CSMD1: variants seen among roughly 807,000 people sequenced by gnomAD.
CSMD1 encodes CUB and Sushi multiple domains 1.
A neutral mutation model predicts 417.5 loss-of-function variants in CSMD1; 213 were observed. The observed-to-expected ratio is 0.51, with a 90% CI of 0.46 to 0.57. CSMD1 has a LOEUF of 0.57. Ranked by LOEUF, CSMD1 falls within the 20% of genes least tolerant of loss-of-function variation. The pLI, the probability that CSMD1 is intolerant of heterozygous loss-of-function variation, is 0.00. For missense variants in CSMD1, 6,923 were observed against 4,529.7 expected (o/e 1.53, Z -15.17); for synonymous variants, 2,862 against 1,736.8 (o/e 1.65, Z -16.11).
At chr8:3,611,250 TAA>T (rs35781024) in intron 8 of CSMD1, among the ~76,000 whole-genome samples, 234 of 149,874 alleles carry the variant, frequency 1.6e-3, no homozygotes, top group African/African-American at 4.9e-3. Flanking sequence ...AAAGTTAAAT[TAA>T]AAAAAAAAAG....
intron 3 of CSMD1, among the ~76,000 whole-genome samples, chr8:4,376,180 A>T (rs1032989917): frequency 6.6e-6 from 1 of 152,222 alleles, no homozygotes; most frequent in African/African-American, 2.4e-5. Context: ...CAACTGTATC[A>T]AAAGAATTTA....
intron 1 of CSMD1, among the ~76,000 whole-genome samples, chr8:4,885,968 A>T (rs1803710529): frequency 6.7e-6 from 1 of 148,272 alleles, no homozygotes; most frequent in African/African-American, 2.5e-5. Context: ...TAGGTCTCTG[A>T]TCCTTTTTAT....
rs188871104 is a variant in CSMD1, at chr8:4,400,997, A to G, written c.415+18956T>C. 3.3e-5 allele frequency among the ~76,000 whole-genome samples: 5 copies of G among 152,272 alleles called. No individual in the cohort carries two copies. In the East Asian group the frequency reaches 9.7e-4, roughly 29 times the overall value. On this transcript the variant is annotated intron_variant, in intron 3 of 69. Transcript: ENST00000635120. ...TAAGTATTTTAACAGGTGTTTCTTA[A>G]CATGAAACTGAGTCCATTTAAAATC...
chr8:4,193,829 C>G (rs142280151), intron 3 of CSMD1, among the ~76,000 whole-genome samples: 2 of 152,098 alleles, frequency 1.3e-5, no homozygotes, highest in Admixed American at 6.5e-5. Flanking sequence ...AAACAGAATA[C>G]AGTTCAGCCG....
chr8:3,717,489 T>C (rs1801907641), intron 6 of CSMD1, among the ~76,000 whole-genome samples: 1 of 152,210 alleles, frequency 6.6e-6, no homozygotes, highest in African/African-American at 2.4e-5. Context: ...GACGTTCCCC[T>C]TAGTTCAGCT....
At position 4,431,340 on chromosome 8, in the gene CSMD1, C is replaced by T. The variant is rs574493415; in HGVS notation, c.303-11275G>A. On this transcript the variant is annotated intron_variant, in intron 2 of 69. Coordinates refer to ENST00000635120, the MANE Select transcript of CSMD1 (RefSeq NM_033225.6). ...GTGATTTTCTTAAGGGTGAACCTAA[C>T]GTCTATAAAATTGAAACCAATAGTT... is the stretch of plus-strand genomic sequence containing the variant. 3.9e-5 allele frequency among the ~76,000 whole-genome samples: 6 copies of T among 152,148 alleles called. No individual in the cohort carries two copies. In the East Asian group the frequency reaches 1.2e-3, roughly 29 times the overall value.
intron 3 of CSMD1, among the ~76,000 whole-genome samples, chr8:4,406,721 A>G (rs186440658): frequency 4.6e-5 from 7 of 152,326 alleles, no homozygotes; most frequent in Admixed American, 4.6e-4. Flanking sequence ...GTGATGTCCA[A>G]ATGATACCAG....
chr8:4,398,952 T>C (rs1274568325), intron 3 of CSMD1, among the ~76,000 whole-genome samples: 1 of 152,310 alleles, frequency 6.6e-6, no homozygotes, highest in Middle Eastern at 3.4e-3. Context: ...CTTGAGAATG[T>C]TTTTTAAAAG....
At chr8:3,422,542 A>C (rs1336268830) in intron 12 of CSMD1, among the ~76,000 whole-genome samples, 1 of 152,210 alleles carries the variant, frequency 6.6e-6, no homozygotes, top group East Asian at 1.9e-4. Context: ...GTAAGACACA[A>C]ACAGAAGACA....
At chr8:4,256,745 A>C (rs1803484142) in intron 3 of CSMD1, among the ~76,000 whole-genome samples, 2 of 152,072 alleles carry the variant, frequency 1.3e-5, no homozygotes, top group African/African-American at 4.8e-5. Flanking sequence ...ACGGGCAGTG[A>C]GGTACAGGGC....
intron 7 of CSMD1, among the ~76,000 whole-genome samples, chr8:3,681,522 G>T (rs1799660378): frequency 6.6e-6 from 1 of 152,114 alleles, no homozygotes; most frequent in African/African-American, 2.4e-5. Context: ...ACAAACCACT[G>T]CTCAATGAAA....
chr8:3,251,794 G>A (rs931466965), intron 26 of CSMD1, among the ~76,000 whole-genome samples: 1 of 152,112 alleles, frequency 6.6e-6, no homozygotes, highest in Non-Finnish European at 1.5e-5. Flanking sequence ...CTTGTCAGTT[G>A]GATTCATATG....
chr8:3,671,536 T>TATATATGATC (rs1799051261), intron 7 of CSMD1, among the ~76,000 whole-genome samples: 1 of 6,530 alleles, frequency 1.5e-4, no homozygotes, highest in Non-Finnish European at 3.0e-4. Context: ...ATCATATATA[T>TATATATGATC]ATATATATGA....
intron 3 of CSMD1, among the ~76,000 whole-genome samples, chr8:4,344,888 C>T (rs930261222): frequency 2.6e-5 from 4 of 152,092 alleles, no homozygotes; most frequent in African/African-American, 7.2e-5. Context: ...AACTCAAATA[C>T]GTCATGGACA....
chr8:4,387,655 T>A (rs938190760), intron 3 of CSMD1, among the ~76,000 whole-genome samples: 1 of 136,896 alleles, frequency 7.3e-6, no homozygotes, highest in African/African-American at 2.7e-5. Flanking sequence ...TAATTAAAAA[T>A]GAAAAACTAC....
At chr8:3,160,645 T>C (rs1008672195) in intron 38 of CSMD1, among the ~76,000 whole-genome samples, 1 of 152,168 alleles carries the variant, frequency 6.6e-6, no homozygotes, top group African/African-American at 2.4e-5. Context: ...ATAATGTAAG[T>C]GGTAGGTTTG....
intron 5 of CSMD1, among the ~76,000 whole-genome samples, chr8:3,816,038 TC>T (rs1015953422): frequency 1.3e-5 from 2 of 152,184 alleles, no homozygotes; most frequent in Non-Finnish European, 2.9e-5. Context: ...TGTTATTAGG[TC>T]CCCGTGGGTT....
At chr8:4,749,940 C>G (rs1461286063) in intron 1 of CSMD1, among the ~76,000 whole-genome samples, 1 of 151,916 alleles carries the variant, frequency 6.6e-6, no homozygotes. Context: ...GAAAATTAGC[C>G]AAGGTCTTCA....
chr8:4,639,197 A>G (rs1330949210), intron 1 of CSMD1, among the ~76,000 whole-genome samples: 1 of 149,798 alleles, frequency 6.7e-6, no homozygotes, highest in Non-Finnish European at 1.5e-5. Context: ...TTCCCAAGTT[A>G]CTTCCCACAT....
Sources: allele counts gnomAD v4.1 joint callset (sites outside exome capture counted in the v4.1 genomes callset), GRCh38; gene constraint gnomAD v4.1.1; transcripts MANE v1.5; gene names NCBI Gene and HGNC (gene_info 2026-07-23, HGNC 2026-07-21).